NRXN1: variants seen among roughly 807,000 people sequenced by gnomAD.
NRXN1 encodes neurexin 1.
A neutral mutation model predicts 150.9 loss-of-function variants in NRXN1; 39 were observed. The ratio of observed to expected loss-of-function variants is 0.26; its 90% CI spans 0.20 to 0.34. The LOEUF is 0.34. NRXN1 is among the 10% of genes least tolerant of loss of function. NRXN1 has a pLI of 1.00. For missense variants in NRXN1, 1,815 were observed against 1,949.9 expected (o/e 0.93, Z 1.30); for synonymous variants, 924 against 757.0 (o/e 1.22, Z -3.62).
chr2:49,976,229 C>T lies in NRXN1; in HGVS notation c.4129-32438G>A, dbSNP rs547455653. 3.3e-5 allele frequency among the ~76,000 whole-genome samples: 5 copies of T among 150,446 alleles called. No individual in the cohort carries two copies. In the South Asian group the frequency reaches 1.1e-3, roughly 32 times the overall value. On this transcript the variant is annotated intron_variant, in intron 21 of 22. Coordinates refer to ENST00000401669, the MANE Select transcript of NRXN1 (RefSeq NM_001330078.2). ...TGTATTTTTAGTAGAGATGGGGTTACACCATGTTGGCCTGGTGGGTCTCAA... is the reference window on the plus strand; with the variant it reads ...TGTATTTTTAGTAGAGATGGGGTTATACCATGTTGGCCTGGTGGGTCTCAA...
intron 15 of NRXN1, among the ~76,000 whole-genome samples, chr2:50,489,297 G>A (rs764246570): frequency 2.0e-5 from 3 of 152,104 alleles, no homozygotes; most frequent in Non-Finnish European, 4.4e-5. Context: ...GGATGGGTTG[G>A]GATCTTTAAA....
chr2:50,538,575 C>A lies in NRXN1; in HGVS notation c.1821G>T (p.Leu607=). The A allele has an allele frequency of 6.4e-7, 1 of 1,561,260 alleles. No homozygotes were observed. Residue 607 remains leucine, a synonymous_variant, in exon 10 of 23, where the codon CTG becomes CTT. Transcript: ENST00000401669. ...PYTAPGESEI[L]DLDDELYLGG... The stretch of plus-strand genomic sequence containing the variant: ...CCAGGTACAACTCATCATCCAGGTC[C>A]AGAATCTCACTCTCACCAGGAGCAG...
chr2:50,954,961 C>T (rs1692037104), intron 2 of NRXN1, among the ~76,000 whole-genome samples: 1 of 151,988 alleles, frequency 6.6e-6, no homozygotes, highest in Admixed American at 6.6e-5. Flanking sequence ...CCAAGAAGAC[C>T]AACTCAACTG....
chr2:50,630,158 A>G (rs572595462), intron 5 of NRXN1, among the ~76,000 whole-genome samples: 4 of 151,728 alleles, frequency 2.6e-5, no homozygotes, highest in African/African-American at 9.6e-5. Context: ...TTGCTCATCT[A>G]ATTTTCTGAG....
chr2:50,294,133 G>C (rs545457572), intron 17 of NRXN1, among the ~76,000 whole-genome samples: 2 of 152,252 alleles, frequency 1.3e-5, no homozygotes, highest in African/African-American at 4.8e-5. Context: ...TTTCCAAATA[G>C]AGCTTCATGA....
intron 18 of NRXN1, among the ~76,000 whole-genome samples, chr2:50,179,228 C>T (rs139591303): frequency 2.8e-4 from 42 of 152,134 alleles, no homozygotes; most frequent in African/African-American, 8.7e-4. Flanking sequence ...TCCAGGGAGA[C>T]GGTAGTAGAT....
intron 5 of NRXN1, among the ~76,000 whole-genome samples, chr2:50,846,101 C>G (rs1301804353): frequency 2.6e-5 from 4 of 152,180 alleles, no homozygotes; most frequent in African/African-American, 7.2e-5. Flanking sequence ...TAGAGGAGGT[C>G]TGTAGAATCA....
chr2:50,874,174 CTT>C (rs1164452667), intron 5 of NRXN1, among the ~76,000 whole-genome samples: 1 of 151,826 alleles, frequency 6.6e-6, no homozygotes, highest in Non-Finnish European at 1.5e-5. Context: ...GAATGACTCT[CTT>C]GTCTTAGTTC....
intron 17 of NRXN1, among the ~76,000 whole-genome samples, chr2:50,445,076 C>T (rs148964160): frequency 2.0e-3 from 305 of 152,182 alleles, no homozygotes; most frequent in African/African-American, 6.8e-3. Flanking sequence ...CAGACTTTGC[C>T]TCTGGAAGCA....
At chr2:50,165,915 T>C (rs942264904) in intron 18 of NRXN1, among the ~76,000 whole-genome samples, 2 of 152,224 alleles carry the variant, frequency 1.3e-5, no homozygotes, top group Non-Finnish European at 2.9e-5. Context: ...TTATGTCTTG[T>C]GTATTCTCCA....
chr2:50,304,237 G>A lies in NRXN1; in HGVS notation c.3365-67267C>T, dbSNP rs536267752. Among the ~76,000 whole-genome samples the A allele has an allele frequency of 3.9e-5, 6 of 152,186 alleles. 1 individual carries two copies. In the East Asian group the frequency reaches 7.8e-4, roughly 20 times the overall value. On this transcript the variant is annotated intron_variant, in intron 17 of 22. Transcript: ENST00000401669. ...AACCCTATAAAGACAAACCCAAAAT[G>A]TACCCAGAACTGTGCACATTAGGTA...
chr2:50,607,884 C>A lies in NRXN1; in HGVS notation c.1320+12138G>T, dbSNP rs184562912. On this transcript the variant is annotated intron_variant, in intron 8 of 22. Transcript: ENST00000401669. ...CTTAGATAGTCAACGCACATCATTC[C>A]AAGACTGCAGCTGCTCCTAATTTGG... Among the ~76,000 whole-genome samples, 93 of 152,076 alleles carry A rather than the reference C, an allele frequency of 6.1e-4. 1 individual carries two copies. Among genetic ancestry groups the A allele is most frequent in the Admixed American group, 2.3e-3 (35 of 15,260 alleles).
chr2:50,375,343 A>G lies in NRXN1; in HGVS notation c.3364+90099T>C, dbSNP rs2080404315. On this transcript the variant is annotated intron_variant, in intron 17 of 22. Transcript: ENST00000401669. Reference sequence around the variant, plus strand: ...GCCAAATACTTCCCAACATTATTTCATTTGATTTTAGAATTACATTTTATT... The same window carrying G: ...GCCAAATACTTCCCAACATTATTTCGTTTGATTTTAGAATTACATTTTATT... Among the ~76,000 whole-genome samples the G allele has an allele frequency of 1.1e-4, 16 of 151,182 alleles. No homozygotes were observed. The South Asian group carries it at 3.3e-3, about 31-fold the overall frequency.
At chr2:50,105,112 GA>G (rs2152715790) in intron 18 of NRXN1, 1 of 152,166 alleles carries the variant, frequency 6.6e-6, no homozygotes, top group African/African-American at 2.4e-5. Context: ...TCCTTCTGCA[GA>G]GTCTTCATGA....
In NRXN1 at chr2:50,053,784, C is replaced by T. The variant is rs1305877720; in HGVS notation, c.3809-194G>A. 3.3e-5 allele frequency among the ~76,000 whole-genome samples: 5 copies of T among 152,236 alleles called. No homozygotes were observed. The East Asian group carries it at 9.7e-4, about 29-fold the overall frequency. On this transcript the variant is annotated intron_variant, in intron 20 of 22. Transcript: ENST00000401669. ...AATTATTGGCAAATACTTGTAAATTCTCAACTTATTATAAATGTAGTGCTT... is the reference window on the plus strand; with the variant it reads ...AATTATTGGCAAATACTTGTAAATTTTCAACTTATTATAAATGTAGTGCTT...
chr2:50,219,673 G>A (rs1574558949), intron 18 of NRXN1, among the ~76,000 whole-genome samples: 1 of 150,924 alleles, frequency 6.6e-6, no homozygotes, highest in Admixed American at 6.6e-5. Flanking sequence ...GATCGCTTGA[G>A]CCCAGGAGTT....
At chr2:50,321,321 A>C (rs893677583) in intron 17 of NRXN1, among the ~76,000 whole-genome samples, 1 of 152,206 alleles carries the variant, frequency 6.6e-6, no homozygotes, top group Non-Finnish European at 1.5e-5. Flanking sequence ...AAATCTAAGA[A>C]ATCATAGAAC....
At chr2:50,094,412 G>C (rs1466478246) in intron 18 of NRXN1, among the ~76,000 whole-genome samples, 1 of 152,190 alleles carries the variant, frequency 6.6e-6, no homozygotes, top group Non-Finnish European at 1.5e-5. Flanking sequence ...CTGCAGGGTG[G>C]AAGTCTGCTT....
At chr2:51,008,880 A>AT (rs914873135) in intron 2 of NRXN1, among the ~76,000 whole-genome samples, 30 of 150,662 alleles carry the variant, frequency 2.0e-4, no homozygotes, top group East Asian at 3.9e-4. Context: ...GACAAATCAC[A>AT]TTTTTTTTTA....
Sources: gnomAD v4.1 joint callset for allele counts (sites outside exome capture counted in the v4.1 genomes callset) on GRCh38, gnomAD v4.1.1 for gene constraint, MANE v1.5 for transcripts, NCBI Gene and HGNC (gene_info 2026-07-23, HGNC 2026-07-21) for gene names.